The following PARD6B variants were observed in gnomAD, a reference collection of about 807,000 sequenced individuals.
PARD6B encodes par-6 family cell polarity regulator beta, also known as partitioning defective 6 homolog beta.
In PARD6B, 4 loss-of-function variants were observed where a neutral mutation model predicts 10.5. The observed-to-expected ratio is 0.38, with a 90% CI of 0.19 to 0.87. The LOEUF (loss-of-function observed/expected upper bound fraction) is 0.87, where lower values mean the gene tolerates loss of function less well. PARD6B is among the 40% of genes least tolerant of loss of function. PARD6B has a pLI of 0.41. For synonymous variants in PARD6B, 169 were observed against 170.4 expected (o/e 0.99, Z 0.07); for missense variants, 396 against 470.6 (o/e 0.84, Z 1.47).
At chr20:50,740,638 T>G in intron 2 of PARD6B, among the ~76,000 whole-genome samples, 1 of 152,348 alleles carries the variant, frequency 6.6e-6, no homozygotes, top group Middle Eastern at 3.4e-3. Context: ...TATGTTTCTA[T>G]GTGCAAATGT....
chr20:50,752,590 A>G lies in PARD6B; in HGVS notation c.*2102A>G. On this transcript the variant is annotated 3_prime_UTR_variant, in exon 3 of 3. Transcript: ENST00000371610. ...TATATAGAAACTAAAAATACTATGA[A>G]GTACATAAGTTCCCTATGGCTTATG... The G allele has an allele frequency of 1.0e-6, 1 of 983,038 alleles. No individual in the cohort carries two copies. The highest frequency in any genetic ancestry group is 1.2e-6 in the Non-Finnish European group (1 of 827,394). 60.9% of individuals were successfully genotyped at this position (983,038 alleles called of 1,614,324 possible).
At chr20:50,747,956 A>G (rs772977236) in intron 2 of PARD6B, among the ~76,000 whole-genome samples, 2 of 152,220 alleles carry the variant, frequency 1.3e-5, no homozygotes, top group Non-Finnish European at 2.9e-5. Context: ...CTGAGGACAA[A>G]ATACCATTGA....
chr20:50,732,849 A>G (rs974002919), intron 1 of PARD6B, among the ~76,000 whole-genome samples: 2 of 152,156 alleles, frequency 1.3e-5, no homozygotes, highest in Admixed American at 6.5e-5. Flanking sequence ...GAACATTTAA[A>G]ATAGAATTGA....
chr20:50,736,953 C>T (rs368170512), intron 1 of PARD6B, among the ~76,000 whole-genome samples: 1 of 152,190 alleles, frequency 6.6e-6, no homozygotes, highest in Non-Finnish European at 1.5e-5. Context: ...CCGCCTCAGC[C>T]TCTCAAAGTG....
At chr20:50,741,690 C>T (rs550586423) in intron 2 of PARD6B, among the ~76,000 whole-genome samples, 53 of 151,966 alleles carry the variant, frequency 3.5e-4, no homozygotes, top group African/African-American at 1.2e-3. Context: ...TACAGGAGCC[C>T]GCCAACACAC....
At position 50,749,786 on chromosome 20, in the gene PARD6B, T is replaced by C. The variant is rs1336410109; in HGVS notation, c.417T>C (p.Phe139=). ...TAGTCATTAGTATGCCCCAAGACTT[T>C]AGACCTGTGTCTTCTATTATAGACG... ...PHIVISMPQD[F]RPVSSIIDVD... The change falls in exon 3 of 3, where the codon TTT becomes TTC. Residue 139 remains phenylalanine (F), a synonymous_variant. Coordinates refer to ENST00000371610, the MANE Select transcript of PARD6B (RefSeq NM_032521.3). 1.2e-6 allele frequency: 2 copies of C among 1,614,128 alleles called. No individual in the cohort carries two copies. The highest frequency in any genetic ancestry group is 3.3e-5 in the Admixed American group (2 of 60,012).
At position 50,751,216 on chromosome 20, in the gene PARD6B, C is replaced by G. The variant is rs535667607; in HGVS notation, c.*728C>G. Reference sequence around the variant, plus strand: ...AACTCCTGGGCTTAAGCAGTCCTGCCTCGGCTTCCCAAAATGCTAGGATTA... The same window carrying G: ...AACTCCTGGGCTTAAGCAGTCCTGCGTCGGCTTCCCAAAATGCTAGGATTA... On this transcript the variant is annotated 3_prime_UTR_variant, in exon 3 of 3. Coordinates refer to ENST00000371610, the MANE Select transcript of PARD6B (RefSeq NM_032521.3). The G allele has an allele frequency of 3.2e-6, 3 of 932,498 alleles. No homozygotes were observed. Among genetic ancestry groups the G allele is most frequent in the African/African-American group, 3.6e-5 (2 of 55,878 alleles). The allele number at this position is 932,498 out of a possible 1,614,324, so 57.8% of individuals were successfully genotyped here.
rs1414084171 is a variant in PARD6B, at chr20:50,752,588, G to C, written c.*2100G>C. 3.1e-6 allele frequency: 3 copies of C among 983,254 alleles called. No individual in the cohort carries two copies. The African/African-American group carries it at 5.2e-5, about 17-fold the overall frequency. The allele number at this position is 983,254 out of a possible 1,614,324, so 60.9% of individuals were successfully genotyped here. A position where few individuals can be genotyped will look rare whatever the true frequency, so the allele number is the denominator to read the frequency against. ...TGTATATAGAAACTAAAAATACTAT[G>C]AAGTACATAAGTTCCCTATGGCTTA... On this transcript the variant is annotated 3_prime_UTR_variant, in exon 3 of 3. Transcript: ENST00000371610.
chr20:50,737,642 G>A (rs1457349076), intron 1 of PARD6B, among the ~76,000 whole-genome samples: 2 of 152,096 alleles, frequency 1.3e-5, no homozygotes, highest in South Asian at 2.1e-4. Flanking sequence ...CTCTTGAAAG[G>A]AATGCTCTTC....
In PARD6B at chr20:50,750,785, C is replaced by G. The variant is rs1212874157; in HGVS notation, c.*297C>G. On this transcript the variant is annotated 3_prime_UTR_variant, in exon 3 of 3. Transcript: ENST00000371610. ...ACATTCTTGGAACTATGTGAGAAGACTAGATCATTTCTGTTGGAAGTGGTT... is the reference window on the plus strand; with the variant it reads ...ACATTCTTGGAACTATGTGAGAAGAGTAGATCATTTCTGTTGGAAGTGGTT... 1 of 1,128,730 alleles carries G rather than the reference C, an allele frequency of 8.9e-7. No homozygotes were observed. Among genetic ancestry groups the G allele is most frequent in the East Asian group, 5.7e-5 (1 of 17,648 alleles). The allele number at this position is 1,128,730 out of a possible 1,614,324, so 69.9% of individuals were successfully genotyped here.
chr20:50,734,069 CAT>C (rs2087486430), intron 1 of PARD6B, among the ~76,000 whole-genome samples: 1 of 152,160 alleles, frequency 6.6e-6, no homozygotes, highest in Non-Finnish European at 1.5e-5. Context: ...ATTCTAGGAA[CAT>C]GTGCTGAATG....
chr20:50,742,891 C>T (rs1301690933), intron 2 of PARD6B, among the ~76,000 whole-genome samples: 2 of 152,082 alleles, frequency 1.3e-5, no homozygotes, highest in African/African-American at 4.8e-5. Context: ...ATTCCTAGAG[C>T]AGTTATCATG....
chr20:50,749,637 ATTTTG>A lies in PARD6B; in HGVS notation c.290-17_290-13del, dbSNP rs1008713088. On this transcript the variant is annotated splice_polypyrimidine_tract_variant and intron_variant, in intron 2 of 2. Coordinates refer to ENST00000371610, the MANE Select transcript of PARD6B (RefSeq NM_032521.3). ...ATATTTTTACAGCATTTCTATAATT[ATTTTG>A]TTTTATTTTTAAACAGAAGAAGCAG... is the stretch of plus-strand genomic sequence containing the variant. 3.3e-6 allele frequency: 5 copies of A among 1,522,992 alleles called. No individual in the cohort carries two copies. The African/African-American group carries it at 4.2e-5, about 13-fold the overall frequency. 94.3% of individuals were successfully genotyped at this position (1,522,992 alleles called of 1,614,324 possible). A position where few individuals can be genotyped will look rare whatever the true frequency, so the allele number is the denominator to read the frequency against.
chr20:50,736,540 G>A (rs1236842069), intron 1 of PARD6B, among the ~76,000 whole-genome samples: 1 of 152,154 alleles, frequency 6.6e-6, no homozygotes, highest in African/African-American at 2.4e-5. Flanking sequence ...GCATAATTAT[G>A]TAGCGTTTCT....
At chr20:50,745,317 G>A (rs1219285118) in intron 2 of PARD6B, among the ~76,000 whole-genome samples, 1 of 151,800 alleles carries the variant, frequency 6.6e-6, no homozygotes, top group Non-Finnish European at 1.5e-5. Flanking sequence ...CCAGCTACTC[G>A]GGAGGCTGAG....
intron 2 of PARD6B, among the ~76,000 whole-genome samples, chr20:50,746,555 A>T (rs931782214): frequency 4.6e-5 from 7 of 152,244 alleles, no homozygotes; most frequent in African/African-American, 1.2e-4. Flanking sequence ...TTCCTTGTGG[A>T]CATTCACCTT....
chr20:50,753,703 T>A lies in PARD6B; in HGVS notation c.*3215T>A. ...AAATCAAATTAGCTTTAGTTGTATA[T>A]TATTTTTTACAAATAAAGATAGACT... On this transcript the variant is annotated 3_prime_UTR_variant, in exon 3 of 3. Coordinates refer to ENST00000371610, the MANE Select transcript of PARD6B (RefSeq NM_032521.3). 1.4e-6 allele frequency: 1 copy of A among 697,914 alleles called. No homozygotes were observed. The allele number at this position is 697,914 out of a possible 1,614,324, so 43.2% of individuals were successfully genotyped here.
intron 2 of PARD6B, among the ~76,000 whole-genome samples, chr20:50,743,574 A>G (rs1041256523): frequency 1.3e-5 from 2 of 152,196 alleles, no homozygotes; most frequent in South Asian, 4.2e-4. Flanking sequence ...AGTAAATTGT[A>G]AATTATAGTT....
intron 2 of PARD6B, among the ~76,000 whole-genome samples, chr20:50,742,375 A>AT (rs1245870009): frequency 6.7e-6 from 1 of 149,044 alleles, no homozygotes; most frequent in Non-Finnish European, 1.5e-5. Context: ...ATTTTATTTT[A>AT]TTTTTTTTGA....
Sources: allele counts gnomAD v4.1 joint callset (sites outside exome capture counted in the v4.1 genomes callset), GRCh38; gene constraint gnomAD v4.1.1; transcripts MANE v1.5; gene names NCBI Gene and HGNC (gene_info 2026-07-23, HGNC 2026-07-21).